Variants in IGF2R observed in about 807,000 individuals in gnomAD.
IGF2R encodes the protein cation-independent mannose-6-phosphate receptor.
A neutral mutation model predicts 270.6 loss-of-function variants in IGF2R; 91 were observed. The observed-to-expected ratio is 0.34, with a 90% confidence interval of 0.28 to 0.40. IGF2R has a LOEUF of 0.40. IGF2R is among the 10% of genes least tolerant of loss of function. The pLI, the probability that IGF2R is intolerant of heterozygous loss-of-function variation, is 1.00. For synonymous variants in IGF2R, 1,316 were observed against 1,258.9 expected (o/e 1.05, Z -0.96); for missense variants, 2,805 against 3,188.3 (o/e 0.88, Z 2.90).
intron 45 of IGF2R, among the ~76,000 whole-genome samples, chr6:160,101,125 T>C (rs946047504): frequency 2.0e-5 from 3 of 151,922 alleles, no homozygotes; most frequent in Admixed American, 6.6e-5. Context: ...TGCAATTAAC[T>C]ACATACATGA....
intron 5 of IGF2R, among the ~76,000 whole-genome samples, chr6:160,025,361 TG>T (rs1040426363): frequency 6.6e-6 from 1 of 152,244 alleles, no homozygotes; most frequent in Admixed American, 6.5e-5. Flanking sequence ...ACTGTCTTTC[TG>T]CAGTGCTAGC....
At chr6:160,081,927 G>A (rs551833071) in intron 39 of IGF2R, among the ~76,000 whole-genome samples, 14 of 152,248 alleles carry the variant, frequency 9.2e-5, no homozygotes, top group African/African-American at 2.9e-4. Flanking sequence ...CATGCTTTAC[G>A]AACAATTTGT....
At chr6:160,022,762 A>G (rs547930198) in intron 4 of IGF2R, among the ~76,000 whole-genome samples, 9 of 152,330 alleles carry the variant, frequency 5.9e-5, no homozygotes, top group Admixed American at 2.0e-4. Context: ...GAGGCTGAGT[A>G]TGGGAGACAG....
intron 1 of IGF2R, among the ~76,000 whole-genome samples, chr6:159,980,242 A>AGAAAGGAAGAAAG (rs1554234715): frequency 4.1e-5 from 6 of 145,036 alleles, no homozygotes; most frequent in African/African-American, 5.1e-5. Flanking sequence ...AAAGAAAGGT[A>AGAAAGGAAGAAAG]CATGGAAGAT....
chr6:160,088,478 G>A (rs917485779), intron 42 of IGF2R, among the ~76,000 whole-genome samples: 1 of 152,250 alleles, frequency 6.6e-6, no homozygotes, highest in Non-Finnish European at 1.5e-5. Flanking sequence ...AGGTGTTCAA[G>A]CAGCCTGGCT....
intron 29 of IGF2R, among the ~76,000 whole-genome samples, chr6:160,066,632 A>G (rs1423683396): frequency 6.6e-6 from 1 of 151,588 alleles, no homozygotes; most frequent in Non-Finnish European, 1.5e-5. Context: ...TCCACTTTTT[A>G]CTGTTTCTTC....
In IGF2R at chr6:160,073,317, C is replaced by G. The variant is rs1406009345; in HGVS notation, c.4795C>G (p.Pro1599Ala). ...GGTGTACAAGGATGGGTCCCCTTGT[C>G]CCTCCAAATCCGGCCTGAGCTATAA... is the stretch of plus-strand genomic sequence containing the variant. ...QLVYKDGSPC[P>A]SKSGLSYKSV... is the part of the protein sequence containing the mutation. The change falls in exon 34 of 48, where the codon CCC becomes GCC. Residue 1599 changes from proline (P) to alanine (A), a missense_variant. Pro to Ala is a conservative substitution (Grantham distance 27). This residue lies in a region of IGF2R where 1,851 missense variants were observed against 2,207.2 expected (regional missense o/e 0.84). Coordinates refer to ENST00000356956, the MANE Select transcript of IGF2R (RefSeq NM_000876.4). 1.2e-6 allele frequency: 2 copies of G among 1,614,150 alleles called. No homozygotes were observed. The highest frequency in any genetic ancestry group is 1.7e-6 in the Non-Finnish European group (2 of 1,180,056).
At chr6:160,045,658 C>T in intron 13 of IGF2R, 87 bp from the exon 14 acceptor site, 1 of 1,532,680 alleles carries the variant, frequency 6.5e-7, no homozygotes, top group South Asian at 1.1e-5. Context: ...CTGTCCCTTC[C>T]AAGTCTACTT....
rs757043953 is a variant in IGF2R, at chr6:160,058,136, A to G, written c.2898+12A>G. ...GGAAGATTTTTATGGTAAGAGCGATATGATGCATTTCCAGTTTGCTTTGAA... is the reference window on the plus strand; with the variant it reads ...GGAAGATTTTTATGGTAAGAGCGATGTGATGCATTTCCAGTTTGCTTTGAA... On this transcript the variant is annotated intron_variant, in intron 21 of 47. Coordinates refer to ENST00000356956, the MANE Select transcript of IGF2R (RefSeq NM_000876.4). The G allele has an allele frequency of 3.2e-6, 5 of 1,547,222 alleles. No individual in the cohort carries two copies. Among genetic ancestry groups the G allele is most frequent in the Admixed American group, 1.7e-5 (1 of 59,928 alleles).
rs8191904 is a variant in IGF2R at position 160,079,596 on chromosome 6, G to A, written c.5495G>A (p.Arg1832His). The A allele has an allele frequency of 1.7e-3, 2,526 of 1,452,580 alleles. 39 individuals are homozygous for A. In the African/African-American group the frequency reaches 0.032, roughly 18 times the overall value. The allele number at this position is 1,452,580 out of a possible 1,614,324, so 90.0% of individuals were successfully genotyped here. A position where few individuals can be genotyped will look rare whatever the true frequency, so the allele number is the denominator to read the frequency against. The change falls in exon 38 of 48, where the codon CGC (arginine) becomes CAC (histidine). Residue 1832 changes from arginine (R) to histidine (H), a missense_variant. Physicochemically the swap from Arg to His is conservative, Grantham distance 29. Around this residue, in one of 2 missense-constraint regions of IGF2R, gnomAD observed 1,851 missense variants for 2,207.2 expected, o/e 0.84. Coordinates refer to ENST00000356956, the MANE Select transcript of IGF2R (RefSeq NM_000876.4). ...TTTGTCCAGGTGACTCGCGACTCGC[G>A]CACCTACAGCGTTGGGGTGTGCACC... ...TSTFKVTRDSRTYSVGVCTFA... is the reference protein window; with the variant it reads ...TSTFKVTRDSHTYSVGVCTFA...
Position 160,073,834 on chromosome 6 carries a change from T to A in IGF2R, c.5025T>A (p.Ala1675=). ...PLIHRTGGYE[A]YDESEDDASD... is the part of the protein sequence containing the mutation. ...TTCATCGCACTGGTGGTTATGAGGC[T>A]TATGATGAGAGTGAGGATGATGCCT... Residue 1675 remains alanine, a synonymous_variant, in exon 35 of 48, where the codon GCT becomes GCA. Transcript: ENST00000356956. The A allele has an allele frequency of 1.2e-6, 2 of 1,614,078 alleles. No homozygotes were observed. The highest frequency in any genetic ancestry group is 1.7e-6 in the Non-Finnish European group (2 of 1,179,908).
At chr6:160,011,580 TAAAATC>T (rs1367513639) in intron 4 of IGF2R, among the ~76,000 whole-genome samples, 12 of 150,708 alleles carry the variant, frequency 8.0e-5, no homozygotes, top group South Asian at 4.2e-4. Context: ...TGAGGACTCT[TAAAATC>T]TACTCTCTTA....
intron 29 of IGF2R, among the ~76,000 whole-genome samples, 184 bp from the exon 30 acceptor site, chr6:160,068,065 G>GGTGTGTGTGT (rs879058804): frequency 1.0e-4 from 8 of 77,402 alleles, no homozygotes; most frequent in African/African-American, 4.0e-4. Context: ...TCTGATGGGG[G>GGTGTGTGTGT]GTGTGTGTGT....
At chr6:159,974,175 A>T (rs1034126713) in intron 1 of IGF2R, among the ~76,000 whole-genome samples, 1 of 152,194 alleles carries the variant, frequency 6.6e-6, no homozygotes, top group African/African-American at 2.4e-5. Context: ...TAGCCATTCA[A>T]GTGGAGTTGT....
rs116092087 is a variant in IGF2R at position 160,094,512 on chromosome 6, C to G, written c.6656-1927C>G. 3.9e-3 allele frequency: 610 copies of G among 155,282 alleles called. 3 individuals carry two copies. Among genetic ancestry groups the G allele is most frequent in the African/African-American group, 0.013 (525 of 41,610 alleles). 9.6% of individuals were successfully genotyped at this position (155,282 alleles called of 1,614,324 possible). On this transcript the variant is annotated intron_variant, in intron 44 of 47. Coordinates refer to ENST00000356956, the MANE Select transcript of IGF2R (RefSeq NM_000876.4). ...GTGAAGCCTCAGAATCTCCTCTGTT[C>G]TACTTGGCACCCCAAGCTATGCCTG...
At chr6:160,069,379 C>T (rs1562366139) in intron 30 of IGF2R, among the ~76,000 whole-genome samples, 1 of 152,242 alleles carries the variant, frequency 6.6e-6, no homozygotes, top group East Asian at 1.9e-4. Flanking sequence ...TCCACTTCCC[C>T]TTGCTGCGTT....
At chr6:160,059,194 C>T (rs1368161463) in intron 22 of IGF2R, 96 bp downstream of exon 22, 6 of 993,918 alleles carry the variant, frequency 6.0e-6, no homozygotes, top group Non-Finnish European at 9.0e-6. Context: ...TGCACATCCC[C>T]CGCCACCATG....
intron 44 of IGF2R, among the ~76,000 whole-genome samples, chr6:160,090,548 C>T (rs1025024167): frequency 2.0e-5 from 3 of 152,200 alleles, no homozygotes; most frequent in Non-Finnish European, 2.9e-5. Flanking sequence ...TCAACCAGGA[C>T]GCACATAGGG....
intron 10 of IGF2R, among the ~76,000 whole-genome samples, chr6:160,037,808 C>G (rs1377464103): frequency 6.6e-6 from 1 of 152,118 alleles, no homozygotes; most frequent in East Asian, 1.9e-4. Context: ...GGGGTGCGGG[C>G]TCTGCTCCAT....
Sources: allele counts gnomAD v4.1 joint callset (sites outside exome capture counted in the v4.1 genomes callset), GRCh38; gene constraint gnomAD v4.1.1; regional missense constraint gnomAD v4.1.1; transcripts MANE v1.5; gene names NCBI Gene and HGNC (gene_info 2026-07-23, HGNC 2026-07-21).